The following ADGRF4 variants were observed in gnomAD, a reference collection of about 807,000 sequenced individuals.
The protein encoded by ADGRF4 is adhesion G protein-coupled receptor F4.
Under a neutral mutation model 58.5 loss-of-function variants are expected in ADGRF4, and 63 were observed. The ratio of observed to expected loss-of-function variants is 1.08; its 90% CI spans 0.88 to 1.33. The LOEUF (loss-of-function observed/expected upper bound fraction) is 1.33, where lower values mean the gene tolerates loss of function less well. ADGRF4 is among the 40% of genes most tolerant of loss of function. The pLI is 0.00. For missense variants in ADGRF4, 931 were observed against 843.9 expected (o/e 1.10, Z -1.28); for synonymous variants, 313 against 295.4 (o/e 1.06, Z -0.61).
At chr6:47,708,505 G>C (rs1159975274) in intron 3 of ADGRF4, among the ~76,000 whole-genome samples, 1 of 152,198 alleles carries the variant, frequency 6.6e-6, no homozygotes, top group African/African-American at 2.4e-5. Flanking sequence ...CTCTAGAATA[G>C]TAGACAAATA....
intron 8 of ADGRF4, 114 bp downstream of exon 8, chr6:47,717,465 G>A: frequency 1.3e-6 from 1 of 755,734 alleles, no homozygotes; most frequent in Non-Finnish European, 2.4e-6. Flanking sequence ...GATCAATAAA[G>A]CGTACTTCAT....
intron 1 of ADGRF4, among the ~76,000 whole-genome samples, chr6:47,703,883 G>A (rs1771645614): frequency 6.6e-6 from 1 of 152,154 alleles, no homozygotes; most frequent in African/African-American, 2.4e-5. Context: ...GTGTGCAGCT[G>A]GAGGCCTAGC....
At chr6:47,703,367 C>A (rs190270191) in intron 1 of ADGRF4, among the ~76,000 whole-genome samples, 3 of 152,304 alleles carry the variant, frequency 2.0e-5, no homozygotes, top group African/African-American at 7.2e-5. Flanking sequence ...TGGCTTTTGG[C>A]CTTAGCTACA....
chr6:47,707,438 C>T, intron 2 of ADGRF4, 100 bp downstream of exon 2: 1 of 764,346 alleles, frequency 1.3e-6, no homozygotes, highest in Non-Finnish European at 2.3e-6. Context: ...AATACATTTT[C>T]AAATGGTTAC....
chr6:47,705,642 C>T (rs1370808697), intron 1 of ADGRF4, among the ~76,000 whole-genome samples: 1 of 152,226 alleles, frequency 6.6e-6, no homozygotes, highest in Non-Finnish European at 1.5e-5. Context: ...GTCATCTCAG[C>T]TGAAGGCTCA....
Position 47,715,014 on chromosome 6 carries a change from G to A in ADGRF4, c.1769G>A (p.Gly590Asp). 1 of 1,613,284 alleles carries A rather than the reference G, an allele frequency of 6.2e-7. No homozygotes were observed. Among genetic ancestry groups the A allele is most frequent in the East Asian group, 2.2e-5 (1 of 44,838 alleles). ...GTCAACACTCAGAGGCCCTCTATTG[G>A]CAGTTCCAAGTCTCAGGATGTGGTC... ...VAVNTQRPSI[G>D]SSKSQDVVII... is the part of the protein sequence containing the mutation. The change falls in exon 6 of 10, where the codon GGC (glycine) becomes GAC (aspartate). Residue 590 changes from glycine (G) to aspartate (D), a missense_variant. Coordinates refer to ENST00000283303, the MANE Select transcript of ADGRF4 (RefSeq NM_153838.5).
At chr6:47,720,493 CT>C (rs1249728253) in intron 9 of ADGRF4, among the ~76,000 whole-genome samples, 1 of 152,118 alleles carries the variant, frequency 6.6e-6, no homozygotes, top group African/African-American at 2.4e-5. Context: ...CAGAATTGTT[CT>C]TAGAAACAGG....
rs114434093 is a variant in ADGRF4, at chr6:47,714,937, C to T, written c.1692C>T (p.Ile564=). 2,255 of 1,613,642 alleles carry T rather than the reference C, an allele frequency of 1.4e-3. 21 individuals are homozygous for T. The highest frequency in any genetic ancestry group is 0.014 in the African/African-American group (1,016 of 75,034). The change falls in exon 6 of 10, where the codon ATC becomes ATT. Residue 564 remains isoleucine, a synonymous_variant. Transcript: ENST00000283303. Reference sequence around the variant, plus strand: ...CCAAAGCCCTTTTAGCATTTGCCATCCCGGCGTTCGTCATTGTGGCTGTAA... The same window carrying T: ...CCAAAGCCCTTTTAGCATTTGCCATTCCGGCGTTCGTCATTGTGGCTGTAA... ...DNTKALLAFA[I]PAFVIVAVNL...
Position 47,707,174 on chromosome 6 carries a change from G to A in ADGRF4, c.-16-56G>A, listed in dbSNP as rs539370772. The A allele has an allele frequency of 3.5e-5, 33 of 933,962 alleles. No homozygotes were observed. In the East Asian group the frequency reaches 5.0e-4, roughly 14 times the overall value. 57.9% of individuals were successfully genotyped at this position (933,962 alleles called of 1,614,324 possible). A position where few individuals can be genotyped will look rare whatever the true frequency, so the allele number is the denominator to read the frequency against. ...GGGGTTGGTTAGCCGGATAAGTATT[G>A]TTAGTTGCGTGAAGTTGTCACCTTC... is the stretch of plus-strand genomic sequence containing the variant. On this transcript the variant is annotated intron_variant, in intron 1 of 9. Transcript: ENST00000283303.
At position 47,712,709 on chromosome 6, in the gene ADGRF4, C is replaced by T. The variant is rs1160121039; in HGVS notation, c.552+101C>T. ...GGGCAAAAACTACAGTGACAGCAAC[C>T]ATCAAAGCAACAGCAGGCATTTCAC... On this transcript the variant is annotated intron_variant, in intron 5 of 9. Transcript: ENST00000283303. The T allele has an allele frequency of 6.1e-6, 5 of 814,670 alleles. 1 individual carries two copies. The Admixed American group carries it at 7.3e-5, about 12-fold the overall frequency. 50.5% of individuals were successfully genotyped at this position (814,670 alleles called of 1,614,324 possible).
At chr6:47,708,707 A>T (rs11756358) in intron 3 of ADGRF4, among the ~76,000 whole-genome samples, 38,558 of 152,126 alleles carry the variant, frequency 0.25, 5,505 homozygotes, top group East Asian at 0.56. Context: ...GAGACTGGTC[A>T]CTCTCAAGAA....
At chr6:47,708,528 T>A (rs1295512583) in intron 3 of ADGRF4, among the ~76,000 whole-genome samples, 2 of 152,114 alleles carry the variant, frequency 1.3e-5, no homozygotes, top group East Asian at 3.8e-4. Flanking sequence ...TACTTCCAAA[T>A]CCCAAAGAGA....
At chr6:47,710,986 T>C in intron 4 of ADGRF4, 100 bp downstream of exon 4, 1 of 1,134,382 alleles carries the variant, frequency 8.8e-7, no homozygotes, top group Non-Finnish European at 1.2e-6. Context: ...AAGTCTCAGA[T>C]CCGCACTTAG....
chr6:47,705,739 A>G (rs898505456), intron 1 of ADGRF4, among the ~76,000 whole-genome samples: 3 of 152,176 alleles, frequency 2.0e-5, no homozygotes, highest in Non-Finnish European at 4.4e-5. Context: ...CTCCCTGGTC[A>G]CTGATTGCCT....
At chr6:47,708,420 T>C in intron 3 of ADGRF4, 142 bp downstream of exon 3, 1 of 605,738 alleles carries the variant, frequency 1.7e-6, no homozygotes. Context: ...CTTACCAGTA[T>C]TGATAGATTC....
chr6:47,718,988 G>A (rs1181023910), intron 9 of ADGRF4, among the ~76,000 whole-genome samples: 1 of 152,204 alleles, frequency 6.6e-6, no homozygotes, highest in Non-Finnish European at 1.5e-5. Flanking sequence ...AAGCCTGAGA[G>A]GTACTGGGGG....
intron 9 of ADGRF4, among the ~76,000 whole-genome samples, chr6:47,720,639 G>A (rs1772136638): frequency 6.6e-6 from 1 of 152,050 alleles, no homozygotes; most frequent in South Asian, 2.1e-4. Context: ...GAGGGCCACG[G>A]CATTCTGTTG....
In ADGRF4 at chr6:47,708,384, T is replaced by G. The variant is rs1161817085; in HGVS notation, c.148+106T>G. On this transcript the variant is annotated intron_variant, in intron 3 of 9. Transcript: ENST00000283303. ...CCAGACCACAGGCTTTCCAACTGAA[T>G]AGCAATCTCCAGTAAGTCCTCTGTG... 1.2e-5 allele frequency: 9 copies of G among 775,792 alleles called. No homozygotes were observed. In the East Asian group the frequency reaches 2.1e-4, roughly 18 times the overall value. 48.1% of individuals were successfully genotyped at this position (775,792 alleles called of 1,614,324 possible).
In ADGRF4 at chr6:47,707,259, C is replaced by A; in HGVS notation, c.14C>A (p.Ser5Tyr). 6.2e-7 allele frequency: 1 copy of A among 1,611,392 alleles called. No individual in the cohort carries two copies. The highest frequency in any genetic ancestry group is 8.5e-7 in the Non-Finnish European group (1 of 1,177,604). MKMK[S>Y]QATMICCLVF... is the part of the protein sequence containing the mutation. ...AGATCCTCATGTATGAAAATGAAGTCCCAGGCAACCATGATTTGCTGCTTA... is the reference window on the plus strand; with the variant it reads ...AGATCCTCATGTATGAAAATGAAGTACCAGGCAACCATGATTTGCTGCTTA... Residue 5 changes from serine (S) to tyrosine (Y), a missense_variant, in exon 2 of 10, where the codon TCC becomes TAC. Transcript: ENST00000283303.
Sources: gnomAD v4.1 joint callset for allele counts (sites outside exome capture counted in the v4.1 genomes callset) on GRCh38, gnomAD v4.1.1 for gene constraint, MANE v1.5 for transcripts, NCBI Gene and HGNC (gene_info 2026-07-23, HGNC 2026-07-21) for gene names.